BRAF: variants seen among roughly 807,000 people sequenced by gnomAD.
The protein encoded by BRAF is B-Raf proto-oncogene, serine/threonine kinase.
BRAF carries 16 observed loss-of-function variants against 104.6 expected under a neutral mutation model. That is an observed-to-expected ratio of 0.15 (90% CI 0.10 to 0.23). The LOEUF (loss-of-function observed/expected upper bound fraction) is 0.23. Ranked by LOEUF, BRAF falls within the 10% of genes least tolerant of loss-of-function variation. BRAF has a pLI of 1.00. For missense variants in BRAF, 541 were observed against 937.3 expected (o/e 0.58, Z 5.52); for synonymous variants, 310 against 341.6 (o/e 0.91, Z 1.02).
At chr7:140,915,629 T>C (rs1817542318) in intron 1 of BRAF, among the ~76,000 whole-genome samples, 1 of 151,656 alleles carries the variant, frequency 6.6e-6, no homozygotes, top group Admixed American at 6.6e-5. Flanking sequence ...AGAGACGGAG[T>C]GTCTCCATGT....
chr7:140,821,062 A>C (rs1805422285), intron 3 of BRAF, among the ~76,000 whole-genome samples: 1 of 152,010 alleles, frequency 6.6e-6, no homozygotes, highest in Non-Finnish European at 1.5e-5. Context: ...GTGCAGCAGC[A>C]CAATCATACC....
chr7:140,756,586 A>C (rs184141644), intron 14 of BRAF, among the ~76,000 whole-genome samples: 1 of 152,164 alleles, frequency 6.6e-6, no homozygotes, highest in Admixed American at 6.5e-5. Context: ...AATAACTCAC[A>C]TAACTGTTTG....
chr7:140,740,221 C>T (rs1054268629), intron 17 of BRAF: 14 of 381,766 alleles, frequency 3.7e-5, no homozygotes, highest in African/African-American at 2.9e-4. Flanking sequence ...TCCATTTTCC[C>T]ACTCACAGGG....
chr7:140,894,758 T>C (rs1814684915), intron 1 of BRAF, among the ~76,000 whole-genome samples: 1 of 152,014 alleles, frequency 6.6e-6, no homozygotes, highest in South Asian at 2.1e-4. Context: ...CAACAAAATA[T>C]AAATGAGATA....
At chr7:140,763,296 C>T (rs897462392) in intron 14 of BRAF, among the ~76,000 whole-genome samples, 1 of 149,834 alleles carries the variant, frequency 6.7e-6, no homozygotes, top group South Asian at 2.1e-4. Context: ...CTGACCCCCC[C>T]CACCTCCCTC....
In BRAF at chr7:140,723,587, T is replaced by G. The variant is rs1249061228; in HGVS notation, c.*2907A>C. 9.5e-7 allele frequency: 1 copy of G among 1,049,124 alleles called. No homozygotes were observed. The highest frequency in any genetic ancestry group is 1.2e-6 in the Non-Finnish European group (1 of 869,358). The allele number at this position is 1,049,124 out of a possible 1,614,324, so 65.0% of individuals were successfully genotyped here. A position where few individuals can be genotyped will look rare whatever the true frequency, so the allele number is the denominator to read the frequency against. On this transcript the variant is annotated 3_prime_UTR_variant, in exon 20 of 20. Transcript: ENST00000644969. ...AACTATTTTTTTGGTCAATATTATT[T>G]CAGTGGCAAAAGTCTAGGTCCTTGA...
At chr7:140,770,527 CAA>C (rs35621209) in intron 14 of BRAF, among the ~76,000 whole-genome samples, 2 of 63,586 alleles carry the variant, frequency 3.1e-5, no homozygotes, top group African/African-American at 8.9e-5. Flanking sequence ...TAAGGCCTGC[CAA>C]AAAAAAAAAA....
At chr7:140,865,548 TAGAG>T (rs1475541715) in intron 1 of BRAF, among the ~76,000 whole-genome samples, 2 of 152,150 alleles carry the variant, frequency 1.3e-5, no homozygotes, top group Non-Finnish European at 2.9e-5. Flanking sequence ...AGAGAAAAAT[TAGAG>T]AGCCAAAGGT....
At chr7:140,850,998 T>C (rs917018644) in intron 1 of BRAF, among the ~76,000 whole-genome samples, 2 of 151,968 alleles carry the variant, frequency 1.3e-5, no homozygotes, top group South Asian at 4.1e-4. Flanking sequence ...ACCTAACAAA[T>C]AGACAATTAA....
At chr7:140,785,897 A>T in intron 9 of BRAF, 1 of 397,130 alleles carries the variant, frequency 2.5e-6, no homozygotes, top group Non-Finnish European at 4.4e-6. Context: ...AAACAAGATG[A>T]ATTGAAGCCT....
At chr7:140,825,932 C>A (rs1805998001) in intron 3 of BRAF, among the ~76,000 whole-genome samples, 1 of 152,054 alleles carries the variant, frequency 6.6e-6, no homozygotes, top group Non-Finnish European at 1.5e-5. Context: ...AGATTTATGT[C>A]ATTTGTAAAT....
At chr7:140,833,514 C>T (rs965946025) in intron 3 of BRAF, among the ~76,000 whole-genome samples, 2 of 152,118 alleles carry the variant, frequency 1.3e-5, no homozygotes, top group Non-Finnish European at 2.9e-5. Context: ...GAAAGATATG[C>T]TTAGTAATTC....
intron 5 of BRAF, among the ~76,000 whole-genome samples, chr7:140,804,745 C>T (rs1459765058): frequency 6.6e-6 from 1 of 152,144 alleles, no homozygotes; most frequent in Non-Finnish European, 1.5e-5. Flanking sequence ...ATCTATTCTG[C>T]TACATGTAAA....
At chr7:140,836,548 CTTCT>C (rs1807361476) in intron 2 of BRAF, among the ~76,000 whole-genome samples, 1 of 152,108 alleles carries the variant, frequency 6.6e-6, no homozygotes, top group African/African-American at 2.4e-5. Flanking sequence ...ATCAAAAGGT[CTTCT>C]TTGTTTACAG....
intron 2 of BRAF, among the ~76,000 whole-genome samples, chr7:140,842,592 T>C (rs189823129): frequency 1.3e-5 from 2 of 152,308 alleles, no homozygotes; most frequent in Non-Finnish European, 2.9e-5. Flanking sequence ...CATTATATCT[T>C]ACACATAGAA....
intron 9 of BRAF, among the ~76,000 whole-genome samples, chr7:140,786,158 T>C (rs1045501516): frequency 2.0e-5 from 3 of 152,144 alleles, no homozygotes; most frequent in Non-Finnish European, 4.4e-5. Flanking sequence ...GCAACATTAA[T>C]TGGCAGGTTC....
intron 1 of BRAF, among the ~76,000 whole-genome samples, chr7:140,919,556 G>A (rs923754487): frequency 3.3e-5 from 5 of 152,008 alleles, no homozygotes; most frequent in African/African-American, 4.8e-5. Flanking sequence ...GGTGGAGACT[G>A]TATTAAAGAG....
At chr7:140,864,887 A>G (rs1204429696) in intron 1 of BRAF, among the ~76,000 whole-genome samples, 1 of 152,168 alleles carries the variant, frequency 6.6e-6, no homozygotes, top group Non-Finnish European at 1.5e-5. Flanking sequence ...CAAGTAGAGA[A>G]ATCAGACTGT....
chr7:140,840,083 C>A (rs1807775175), intron 2 of BRAF, among the ~76,000 whole-genome samples: 1 of 152,200 alleles, frequency 6.6e-6, no homozygotes, highest in Non-Finnish European at 1.5e-5. Flanking sequence ...GGAAGCAGTA[C>A]CCTTAAGGCA....
Sources: gnomAD v4.1 joint callset for allele counts (sites outside exome capture counted in the v4.1 genomes callset) on GRCh38, gnomAD v4.1.1 for gene constraint, MANE v1.5 for transcripts, NCBI Gene and HGNC (gene_info 2026-07-23, HGNC 2026-07-21) for gene names.